The following CTNND2 variants were observed in gnomAD, a reference collection of about 807,000 sequenced individuals.
CTNND2 encodes catenin delta 2.
Under a neutral mutation model 144.4 loss-of-function variants are expected in CTNND2, and 22 were observed. The observed-to-expected ratio is 0.15, with a 90% CI of 0.11 to 0.22. CTNND2 has a LOEUF of 0.22. Ranked by LOEUF, CTNND2 falls within the 10% of genes least tolerant of loss-of-function variation. The probability of loss-of-function intolerance (pLI) is 1.00; values close to 1 mark genes in which losing one functional copy is unlikely to be tolerated. For missense variants in CTNND2, 1,353 were observed against 1,618.8 expected, an observed-to-expected ratio of 0.84 and a Z score of 2.82; for synonymous variants, 751 against 695.6, an observed-to-expected ratio of 1.08 and a Z score of -1.25.
At chr5:11,662,903 G>A (rs1581687658) in intron 2 of CTNND2, among the ~76,000 whole-genome samples, 1 of 152,144 alleles carries the variant, frequency 6.6e-6, no homozygotes, top group Non-Finnish European at 1.5e-5. Context: ...CTACATGAAA[G>A]CTGCCAGTAA....
At chr5:11,586,677 A>C (rs1417004968) in intron 2 of CTNND2, among the ~76,000 whole-genome samples, 1 of 152,196 alleles carries the variant, frequency 6.6e-6, no homozygotes, top group African/African-American at 2.4e-5. Flanking sequence ...TTAACAATGA[A>C]AATTCTTTTT....
intron 9 of CTNND2, among the ~76,000 whole-genome samples, chr5:11,263,730 C>T (rs1053479390): frequency 1.1e-4 from 16 of 152,292 alleles, no homozygotes; most frequent in African/African-American, 3.8e-4. Context: ...TCTGCACTTA[C>T]ACCCACCCTA....
At chr5:11,663,395 C>T (rs1783387387) in intron 2 of CTNND2, among the ~76,000 whole-genome samples, 1 of 152,058 alleles carries the variant, frequency 6.6e-6, no homozygotes, top group Non-Finnish European at 1.5e-5. Context: ...TCAATAAGTA[C>T]AGCGGAAAAT....
At chr5:11,589,330 A>C (rs933192234) in intron 2 of CTNND2, among the ~76,000 whole-genome samples, 1 of 150,734 alleles carries the variant, frequency 6.6e-6, no homozygotes, top group Non-Finnish European at 1.5e-5. Flanking sequence ...ACAACAACAA[A>C]AAAACACATC....
chr5:11,464,773 G>A (rs1340294646), intron 3 of CTNND2, among the ~76,000 whole-genome samples: 1 of 152,124 alleles, frequency 6.6e-6, no homozygotes, highest in Non-Finnish European at 1.5e-5. Flanking sequence ...GACAAGATTG[G>A]CTATTGGGTA....
At chr5:11,441,389 T>A (rs1421346078) in intron 3 of CTNND2, among the ~76,000 whole-genome samples, 1 of 149,124 alleles carries the variant, frequency 6.7e-6, no homozygotes, top group East Asian at 2.0e-4. Context: ...TTTTTTTTTT[T>A]TTTTTTAAAG....
intron 2 of CTNND2, among the ~76,000 whole-genome samples, chr5:11,687,930 T>C (rs1784730327): frequency 6.6e-6 from 1 of 152,086 alleles, no homozygotes; most frequent in Admixed American, 6.5e-5. Flanking sequence ...AAGAAACATC[T>C]CAGGCAGAGA....
At chr5:11,572,723 C>T (rs1049432191) in intron 2 of CTNND2, among the ~76,000 whole-genome samples, 8 of 152,136 alleles carry the variant, frequency 5.3e-5, no homozygotes, top group African/African-American at 1.9e-4. Flanking sequence ...CATTCACTAT[C>T]CCTATGTCTG....
At chr5:11,310,380 C>T (rs1039548854) in intron 9 of CTNND2, among the ~76,000 whole-genome samples, 1 of 151,902 alleles carries the variant, frequency 6.6e-6, no homozygotes, top group African/African-American at 2.4e-5. Context: ...CTTATCTTCC[C>T]CTCAAACTTA....
chr5:11,022,067 G>T (rs1742314476), intron 17 of CTNND2, among the ~76,000 whole-genome samples: 1 of 152,262 alleles, frequency 6.6e-6, no homozygotes, highest in East Asian at 1.9e-4. Context: ...CTTATTCAAG[G>T]AGGTGCAGTT....
intron 9 of CTNND2, among the ~76,000 whole-genome samples, chr5:11,244,280 A>ATTTTTTT (rs11322159): frequency 9.6e-6 from 1 of 104,102 alleles, no homozygotes; most frequent in Non-Finnish European, 1.9e-5. Flanking sequence ...GTCCTATACA[A>ATTTTTTT]TTTTTTTTTT....
chr5:11,361,734 A>C (rs1318824514), intron 8 of CTNND2, among the ~76,000 whole-genome samples: 1 of 152,176 alleles, frequency 6.6e-6, no homozygotes, highest in Non-Finnish European at 1.5e-5. Context: ...TCTTTCCTCC[A>C]GCCCTTTATT....
At chr5:11,525,388 A>C (rs989865108) in intron 3 of CTNND2, among the ~76,000 whole-genome samples, 1 of 152,172 alleles carries the variant, frequency 6.6e-6, no homozygotes, top group Non-Finnish European at 1.5e-5. Flanking sequence ...ACCATGAGTA[A>C]CATTTTCAAA....
chr5:11,043,307 G>A (rs974585845), intron 16 of CTNND2, among the ~76,000 whole-genome samples: 1 of 152,106 alleles, frequency 6.6e-6, no homozygotes, highest in South Asian at 2.1e-4. Context: ...TTGACTGTAT[G>A]TTTGTTAGTT....
intron 2 of CTNND2, among the ~76,000 whole-genome samples, chr5:11,667,155 C>T (rs1783612805): frequency 6.6e-6 from 1 of 152,084 alleles, no homozygotes; most frequent in Admixed American, 6.6e-5. Context: ...TTTTCTTTGT[C>T]CAGTCTATCA....
chr5:11,608,418 T>G (rs3852170), intron 2 of CTNND2, among the ~76,000 whole-genome samples: 56,318 of 151,896 alleles, frequency 0.37, 11,422 homozygotes, highest in Middle Eastern at 0.62. Context: ...CTGGCATTTC[T>G]CCCATTATTC....
chr5:11,581,675 G>T (rs924916886), intron 2 of CTNND2, among the ~76,000 whole-genome samples: 1 of 152,128 alleles, frequency 6.6e-6, no homozygotes, highest in Non-Finnish European at 1.5e-5. Flanking sequence ...TTATATAACT[G>T]TCATCTTTGG....
At chr5:11,351,530 T>G (rs773095953) in intron 8 of CTNND2, among the ~76,000 whole-genome samples, 2 of 152,248 alleles carry the variant, frequency 1.3e-5, no homozygotes, top group Non-Finnish European at 2.9e-5. Context: ...GTTTTACGTT[T>G]ATGTGCTGTA....
At chr5:10,981,600 C>CAG in intron 21 of CTNND2, among the ~76,000 whole-genome samples, 173 bp downstream of exon 21, 1 of 152,028 alleles carries the variant, frequency 6.6e-6, no homozygotes, top group Non-Finnish European at 1.5e-5. Context: ...CACACACACA[C>CAG]ACACACAGAG....
Sources: allele counts gnomAD v4.1 joint callset (sites outside exome capture counted in the v4.1 genomes callset), GRCh38; gene constraint gnomAD v4.1.1; transcripts MANE v1.5; gene names NCBI Gene and HGNC (gene_info 2026-07-23, HGNC 2026-07-21).